The following GGT1 variants were observed in gnomAD, a reference collection of about 807,000 sequenced individuals.
GGT1 encodes glutathione hydrolase 1 proenzyme.
In GGT1, 21 loss-of-function variants were observed where a neutral mutation model predicts 56.0. The ratio of observed to expected loss-of-function variants is 0.38; its 90% CI spans 0.27 to 0.54. The LOEUF is 0.54. Among genes scored for constraint, GGT1 ranks in the 20% least tolerant of loss-of-function variants. The probability of loss-of-function intolerance (pLI) is 0.82; values close to 1 mark genes in which losing one functional copy is unlikely to be tolerated. For missense variants in GGT1, 466 were observed against 787.0 expected (o/e 0.59, Z 4.88); for synonymous variants, 238 against 342.6 (o/e 0.69, Z 3.37).
At chr22:24,590,093 C>T, upstream of GGT1, 1 of 959,178 alleles carries the variant, frequency 1.0e-6, no homozygotes, top group Non-Finnish European at 1.5e-6. Context: ...CACAGGCGGC[C>T]ATGGGCCAAC....
At chr22:24,584,786 C>T in the GGT1 span, among the ~76,000 whole-genome samples, 1 of 152,000 alleles carries the variant, frequency 6.6e-6, no homozygotes, top group East Asian at 1.9e-4. Context: ...CTCAGTATCC[C>T]CCCGGACATC....
At chr22:24,619,297 C>G (rs1259903474) in intron 7 of GGT1, among the ~76,000 whole-genome samples, 1 of 150,630 alleles carries the variant, frequency 6.6e-6, no homozygotes, top group African/African-American at 2.4e-5. Context: ...ACTTGGGAGG[C>G]TGAGGCAGGA....
chr22:24,611,001 CTGTGCCCTGT>C (rs2046621006), intron 4 of GGT1, 64 bp from the exon 5 acceptor site: 1 of 1,375,450 alleles, frequency 7.3e-7, no homozygotes. Context: ...CGACTTTAGA[CTGTGCCCTGT>C]TGGGGAGGGG....
upstream of GGT1, among the ~76,000 whole-genome samples, chr22:24,593,875 G>A (rs2045642780): frequency 6.6e-6 from 1 of 152,142 alleles, no homozygotes; most frequent in Non-Finnish European, 1.5e-5. Context: ...CTCCTGCACT[G>A]GCAAATATTT....
chr22:24,588,268 G>C, the GGT1 span: 10 of 1,613,536 alleles, frequency 6.2e-6, no homozygotes, highest in South Asian at 3.3e-5. Flanking sequence ...CTTCGAGTGA[G>C]GGGTGAGGTG....
chr22:24,604,228 T>A (rs186045789), intron 1 of GGT1, among the ~76,000 whole-genome samples: 20 of 152,156 alleles, frequency 1.3e-4, no homozygotes, highest in African/African-American at 4.6e-4. Flanking sequence ...TACCCGCAGG[T>A]CTGCAGACTT....
chr22:24,592,847 C>A, upstream of GGT1: 1 of 1,274,648 alleles, frequency 7.8e-7, no homozygotes, highest in Non-Finnish European at 9.9e-7. Context: ...CAGGGGCGGA[C>A]GGCTCCTTCT....
At chr22:24,605,629 GTGTATTATATA>G (rs2046155614) in intron 1 of GGT1, among the ~76,000 whole-genome samples, 1 of 40,440 alleles carries the variant, frequency 2.5e-5, no homozygotes, top group East Asian at 8.9e-4. Context: ...ATTATATAAT[GTGTATTATATA>G]TATAATATTA....
At position 24,610,328 on chromosome 22, in the gene GGT1, G is replaced by T; in HGVS notation, c.-211G>T. ...TCCCCCAGAAAGGTCTGGGCTGCGCGTGCTTCAGGTAACCTCCCTTGACCT... is the reference window on the plus strand; with the variant it reads ...TCCCCCAGAAAGGTCTGGGCTGCGCTTGCTTCAGGTAACCTCCCTTGACCT... On this transcript the variant is annotated 5_prime_UTR_variant, in exon 4 of 16. Transcript: ENST00000400382. 1 of 259,072 alleles carries T rather than the reference G, an allele frequency of 3.9e-6. No individual in the cohort carries two copies. The highest frequency in any genetic ancestry group is 7.8e-6 in the Non-Finnish European group (1 of 129,000). The allele number at this position is 259,072 out of a possible 1,614,324, so 16.0% of individuals were successfully genotyped here.
chr22:24,625,448 A>AT (rs991673098), intron 11 of GGT1, among the ~76,000 whole-genome samples: 8 of 151,420 alleles, frequency 5.3e-5, no homozygotes, highest in Non-Finnish European at 1.0e-4. Flanking sequence ...TAATTTTTGT[A>AT]TTTTTTTTAG....
intron 5 of GGT1, among the ~76,000 whole-genome samples, chr22:24,612,833 ATTC>A: frequency 6.6e-6 from 1 of 151,766 alleles, no homozygotes; most frequent in Non-Finnish European, 1.5e-5. Flanking sequence ...GGCCGGGCTT[ATTC>A]TTTTTTTAAG....
At chr22:24,615,152 C>T (rs748532253) in intron 7 of GGT1, 25 bp downstream of exon 7, 11 of 1,567,914 alleles carry the variant, frequency 7.0e-6, no homozygotes, top group South Asian at 3.3e-5. Flanking sequence ...AGACTTGGGG[C>T]GTGGGTGCAG....
upstream of GGT1, among the ~76,000 whole-genome samples, chr22:24,590,246 GC>G (rs1258071583): frequency 6.6e-6 from 1 of 152,094 alleles, no homozygotes; most frequent in African/African-American, 2.4e-5. Flanking sequence ...TCCCACTTCA[GC>G]CTCCTGAGGA....
chr22:24,599,741 C>T (rs570471675), upstream of GGT1, among the ~76,000 whole-genome samples: 2 of 152,150 alleles, frequency 1.3e-5, no homozygotes, highest in Admixed American at 6.6e-5. Context: ...GGCGCAGACT[C>T]GTCAGTGAGA....
At chr22:24,596,248 G>A (rs1459175947) in intron 1 of GGT1, among the ~76,000 whole-genome samples, 3 of 152,198 alleles carry the variant, frequency 2.0e-5, no homozygotes, top group Non-Finnish European at 4.4e-5. Flanking sequence ...CAAACTCAGT[G>A]GCTTAAAGCA....
the GGT1 span, chr22:24,589,546 C>A: frequency 2.1e-6 from 1 of 467,520 alleles, no homozygotes; most frequent in Non-Finnish European, 3.3e-6. Context: ...TCTTCCTGGT[C>A]TGGGCCCCCA....
intron 7 of GGT1, among the ~76,000 whole-genome samples, chr22:24,615,450 A>T (rs117239415): frequency 0.027 from 4,055 of 152,258 alleles, 84 homozygotes; most frequent in Middle Eastern, 0.061. Context: ...TTCACCCATG[A>T]GCCTCTCACA....
upstream of GGT1, among the ~76,000 whole-genome samples, chr22:24,601,680 C>G (rs1330771731): frequency 6.6e-6 from 1 of 152,230 alleles, no homozygotes; most frequent in Non-Finnish European, 1.5e-5. Context: ...CTTTGAGCCT[C>G]CTGTCTGGCC....
chr22:24,619,743 C>G (rs1347307594), intron 7 of GGT1, among the ~76,000 whole-genome samples: 1 of 151,630 alleles, frequency 6.6e-6, no homozygotes, highest in African/African-American at 2.4e-5. Flanking sequence ...TGACCTCGGT[C>G]AAGGTGGGAT....
Sources: gnomAD v4.1 joint callset for allele counts (sites outside exome capture counted in the v4.1 genomes callset) on GRCh38, gnomAD v4.1.1 for gene constraint, MANE v1.5 for transcripts, NCBI Gene and HGNC (gene_info 2026-07-23, HGNC 2026-07-21) for gene names.